The following CBLB variants were observed in gnomAD, a reference collection of about 807,000 sequenced individuals.
The protein encoded by CBLB is Cbl proto-oncogene B, also known as E3 ubiquitin-protein ligase CBL-B.
CBLB carries 31 observed loss-of-function variants against 104.9 expected under a neutral mutation model. That is an observed-to-expected ratio of 0.30 (90% CI 0.22 to 0.40). The LOEUF is 0.40. CBLB is among the 10% of genes least tolerant of loss of function. The pLI, the probability that CBLB is intolerant of heterozygous loss-of-function variation, is 1.00. For missense variants in CBLB, 1,062 were observed against 1,214.6 expected, an observed-to-expected ratio of 0.87 and a Z score of 1.87; for synonymous variants, 440 against 422.6, an observed-to-expected ratio of 1.04 and a Z score of -0.51.
chr3:105,681,577 G>T lies in CBLB; in HGVS notation c.2330C>A (p.Pro777Gln), dbSNP rs147131283. 2.5e-6 allele frequency: 4 copies of T among 1,614,088 alleles called. No homozygotes were observed. The African/African-American group carries it at 5.3e-5, about 22-fold the overall frequency. Residue 777 changes from proline to glutamine, a missense_variant, in exon 16 of 19, where the codon CCA (proline) becomes CAA (glutamine). By Grantham distance (76) the Pro-to-Gln change is moderately conservative (BLOSUM62 -1). Coordinates refer to ENST00000394030, the MANE Select transcript of CBLB (RefSeq NM_170662.5). The part of the protein sequence containing the change: ...DVFDSASDPV[P>Q]LPPARPPTRD... ...AGTTGGAGGCCTGGCAGGTGGTAAT[G>T]GCACGGGATCAGAGGCTGAATCAAA...
At chr3:105,789,477 T>C (rs1304769053) in intron 3 of CBLB, among the ~76,000 whole-genome samples, 53 of 152,292 alleles carry the variant, frequency 3.5e-4, no homozygotes, top group Admixed American at 3.4e-3. Context: ...ATACCCAGAT[T>C]TGAATCAGAA....
intron 10 of CBLB, among the ~76,000 whole-genome samples, chr3:105,710,335 G>C (rs1392595080): frequency 6.6e-6 from 1 of 151,814 alleles, no homozygotes; most frequent in Non-Finnish European, 1.5e-5. Context: ...ACAAATATAA[G>C]TATGGAAAAA....
At chr3:105,680,921 C>G (rs756133172) in intron 16 of CBLB, 1 of 158,324 alleles carries the variant, frequency 6.3e-6, no homozygotes, top group Admixed American at 6.0e-5. Flanking sequence ...TATACCTTCA[C>G]CTGTGGATAC....
chr3:105,690,290 G>C (rs1313803123), intron 13 of CBLB, among the ~76,000 whole-genome samples: 4 of 151,952 alleles, frequency 2.6e-5, no homozygotes, highest in Admixed American at 6.6e-5. Flanking sequence ...ATGAACTCTC[G>C]AACATCTGAC....
chr3:105,727,839 G>A (rs932138426), intron 9 of CBLB, among the ~76,000 whole-genome samples: 1 of 152,164 alleles, frequency 6.6e-6, no homozygotes, highest in African/African-American at 2.4e-5. Context: ...GTTTATCAAA[G>A]ATCAGATGGT....
chr3:105,791,338 T>G (rs1301182554), intron 3 of CBLB, among the ~76,000 whole-genome samples: 13 of 152,252 alleles, frequency 8.5e-5, no homozygotes, highest in Non-Finnish European at 1.5e-4. Flanking sequence ...GTTGATGTAC[T>G]TCTGAAAAGA....
chr3:105,815,597 T>C (rs1406585715), intron 3 of CBLB, among the ~76,000 whole-genome samples: 1 of 152,164 alleles, frequency 6.6e-6, no homozygotes, highest in Admixed American at 6.5e-5. Flanking sequence ...ACACTGTTGG[T>C]GGGAGTGTGA....
At position 105,655,760 on chromosome 3, in the gene CBLB, G is replaced by C. The variant is rs1197379961; in HGVS notation, c.*3210C>G. 1 of 208,548 alleles carries C rather than the reference G, an allele frequency of 4.8e-6. No individual in the cohort carries two copies. 12.9% of individuals were successfully genotyped at this position (208,548 alleles called of 1,614,324 possible). A position where few individuals can be genotyped will look rare whatever the true frequency, so the allele number is the denominator to read the frequency against. ...TATACTGTAATTTGCTTCCAAATCTGTTAGCTGAAGAGAGAAACTAAAATT... is the reference window on the plus strand; with the variant it reads ...TATACTGTAATTTGCTTCCAAATCTCTTAGCTGAAGAGAGAAACTAAAATT... On this transcript the variant is annotated 3_prime_UTR_variant, in exon 19 of 19. Coordinates refer to ENST00000394030, the MANE Select transcript of CBLB (RefSeq NM_170662.5).
chr3:105,831,892 CA>C (rs2153079475), intron 3 of CBLB, among the ~76,000 whole-genome samples: 1 of 151,810 alleles, frequency 6.6e-6, no homozygotes, highest in Non-Finnish European at 1.5e-5. Context: ...GAAAGTCACA[CA>C]TTATGTTTTT....
chr3:105,720,016 A>G, intron 10 of CBLB, 31 bp downstream of exon 10: 2 of 1,496,264 alleles, frequency 1.3e-6, no homozygotes, highest in South Asian at 2.3e-5. Context: ...TGGTCACATC[A>G]CCTTAACTAA....
intron 14 of CBLB, 112 bp from the exon 15 acceptor site, chr3:105,681,930 T>C (rs2066370844): frequency 1.4e-6 from 1 of 694,548 alleles, no homozygotes; most frequent in Admixed American, 2.5e-5. Context: ...TTTGAACATA[T>C]ATTTTTCTTT....
At position 105,851,934 on chromosome 3, in the gene CBLB, T is replaced by C. The variant is rs193134504; in HGVS notation, c.419+1480A>G. ...CAAGGTCATAGTGCAACATATTACA[T>C]GTTTGTGGTGATGCTGGTGTAAACA... On this transcript the variant is annotated intron_variant, in intron 3 of 18. Transcript: ENST00000394030. 2.7e-3 allele frequency among the ~76,000 whole-genome samples: 412 copies of C among 152,272 alleles called. 1 individual carries two copies. Among genetic ancestry groups the C allele is most frequent in the Non-Finnish European group, 4.8e-3 (326 of 68,010 alleles).
intron 16 of CBLB, 73 bp from the exon 17 acceptor site, chr3:105,678,644 A>G: frequency 1.4e-6 from 2 of 1,466,384 alleles, no homozygotes; most frequent in Non-Finnish European, 1.9e-6. Flanking sequence ...AACAAAAGTA[A>G]TAATTGATTT....
chr3:105,761,975 G>A (rs2077687190), intron 4 of CBLB: 1 of 152,226 alleles, frequency 6.6e-6, no homozygotes. Flanking sequence ...CTGAAGTAAA[G>A]GTGACTCTTG....
chr3:105,721,417 G>A (rs1261355955), intron 9 of CBLB, among the ~76,000 whole-genome samples: 1 of 152,150 alleles, frequency 6.6e-6, no homozygotes, highest in Non-Finnish European at 1.5e-5. Flanking sequence ...GGCAGATCCT[G>A]TGATAGTTTA....
intron 3 of CBLB, among the ~76,000 whole-genome samples, chr3:105,787,273 T>C (rs2081134265): frequency 6.6e-6 from 1 of 152,208 alleles, no homozygotes; most frequent in South Asian, 2.1e-4. Flanking sequence ...CAGGACCTTC[T>C]TGGATACTTG....
chr3:105,799,240 A>G (rs1370232105), intron 3 of CBLB, among the ~76,000 whole-genome samples: 1 of 152,010 alleles, frequency 6.6e-6, no homozygotes, highest in Non-Finnish European at 1.5e-5. Context: ...AAAAACATTA[A>G]GAGGGTATTA....
intron 3 of CBLB, among the ~76,000 whole-genome samples, chr3:105,780,856 G>T (rs886697421): frequency 3.6e-4 from 54 of 151,626 alleles, no homozygotes; most frequent in Admixed American, 1.3e-3. Flanking sequence ...TAGAGACAGG[G>T]TTTCACCGTG....
At chr3:105,659,250 A>G (rs768189694) in intron 18 of CBLB, 21 bp from the exon 19 acceptor site, 2 of 1,609,236 alleles carry the variant, frequency 1.2e-6, no homozygotes, top group Non-Finnish European at 1.7e-6. Flanking sequence ...TTTTAAAGAG[A>G]GATACTATTT....
Sources: allele counts gnomAD v4.1 joint callset (sites outside exome capture counted in the v4.1 genomes callset), GRCh38; gene constraint gnomAD v4.1.1; transcripts MANE v1.5; gene names NCBI Gene and HGNC (gene_info 2026-07-23, HGNC 2026-07-21).